Variants in PSMA1 observed in about 807,000 individuals in gnomAD.
PSMA1 encodes proteasome subunit alpha type-1.
In PSMA1, 3 loss-of-function variants were observed where a neutral mutation model predicts 38.4. The observed-to-expected ratio is 0.08, with a 90% CI of 0.04 to 0.20. The LOEUF (loss-of-function observed/expected upper bound fraction) is 0.20, where lower values mean the gene tolerates loss of function less well. PSMA1 is among the 10% of genes least tolerant of loss of function. The pLI is 1.00. For missense variants in PSMA1, 227 were observed against 325.3 expected, an observed-to-expected ratio of 0.70 and a Z score of 2.32; for synonymous variants, 101 against 107.1, an observed-to-expected ratio of 0.94 and a Z score of 0.35.
intron 2 of PSMA1, among the ~76,000 whole-genome samples, chr11:14,609,284 G>A (rs1300826774): frequency 1.3e-5 from 2 of 152,174 alleles, no homozygotes; most frequent in African/African-American, 4.8e-5. Flanking sequence ...ATAGGTGGAT[G>A]GAGATAATCC....
chr11:14,526,455 T>C (rs957654681), intron 2 of PSMA1, among the ~76,000 whole-genome samples: 6 of 152,328 alleles, frequency 3.9e-5, no homozygotes, highest in African/African-American at 1.4e-4. Context: ...CTTACTGTTT[T>C]AGGCTGGCCA....
At chr11:14,628,299 C>T (rs1207490822) in intron 1 of PSMA1, among the ~76,000 whole-genome samples, 2 of 56 alleles carry the variant, frequency 0.036, no homozygotes, top group Admixed American at 0.14. Context: ...GTATATCTCC[C>T]AACTAGTCGC....
In PSMA1 at chr11:14,564,126, T is replaced by C. The variant is rs1006470478; in HGVS notation, c.22-45085A>G. On this transcript the variant is annotated intron_variant, in intron 2 of 10. Transcript: ENST00000418988. ...CAGAACCACAACCAGCATACTGATA[T>C]TGATACAGAACATTTCTAACATCAT... 2.0e-5 allele frequency among the ~76,000 whole-genome samples: 3 copies of C among 152,330 alleles called. No homozygotes were observed. The East Asian group carries it at 5.8e-4, about 29-fold the overall frequency.
upstream of PSMA1, among the ~76,000 whole-genome samples, chr11:14,522,111 A>C (rs1229480322): frequency 6.6e-6 from 1 of 152,210 alleles, no homozygotes; most frequent in Non-Finnish European, 1.5e-5. Flanking sequence ...TGCCTCACAC[A>C]GATGTGTAAT....
intron 2 of PSMA1, among the ~76,000 whole-genome samples, chr11:14,535,657 C>T (rs932798254): frequency 6.6e-6 from 1 of 151,798 alleles, no homozygotes; most frequent in Non-Finnish European, 1.5e-5. Context: ...TTTGGTCAGG[C>T]TGGTCTCGAA....
chr11:14,553,571 T>A (rs1851911804), intron 2 of PSMA1, among the ~76,000 whole-genome samples: 1 of 152,090 alleles, frequency 6.6e-6, no homozygotes, highest in Non-Finnish European at 1.5e-5. Context: ...TCATACAATA[T>A]CCAACCTTTG....
intron 2 of PSMA1, among the ~76,000 whole-genome samples, chr11:14,573,125 A>C (rs1852166887): frequency 6.6e-6 from 1 of 152,226 alleles, no homozygotes; most frequent in African/African-American, 2.4e-5. Context: ...AAACTATTCC[A>C]ATCAACAGAA....
intron 1 of PSMA1, among the ~76,000 whole-genome samples, chr11:14,634,852 T>TA (rs1287871844): frequency 6.6e-6 from 1 of 152,202 alleles, no homozygotes; most frequent in African/African-American, 2.4e-5. Context: ...CAGAGAAACT[T>TA]ACTGCACTGT....
intron 2 of PSMA1, among the ~76,000 whole-genome samples, chr11:14,581,378 G>A (rs1434795250): frequency 6.6e-6 from 1 of 152,154 alleles, no homozygotes; most frequent in Non-Finnish European, 1.5e-5. Context: ...AAACCAAAGT[G>A]TACACCAATT....
At position 14,537,907 on chromosome 11, in the gene PSMA1, C is replaced by A. The variant is rs560906358; in HGVS notation, c.22-18866G>T. Among the ~76,000 whole-genome samples, 5 of 152,028 alleles carry A rather than the reference C, an allele frequency of 3.3e-5. No individual in the cohort carries two copies. In the East Asian group the frequency reaches 9.7e-4, roughly 29 times the overall value. On this transcript the variant is annotated intron_variant, in intron 2 of 10. Transcript: ENST00000418988. Reference sequence around the variant, plus strand: ...TATTTTTAGTAGAGATGGGGTTTTGCCATGTTGGCCAGGCTGGTCTCGAAC... The same window carrying A: ...TATTTTTAGTAGAGATGGGGTTTTGACATGTTGGCCAGGCTGGTCTCGAAC...
intron 2 of PSMA1, among the ~76,000 whole-genome samples, chr11:14,589,996 T>C (rs766195005): frequency 6.6e-6 from 1 of 152,208 alleles, no homozygotes; most frequent in Non-Finnish European, 1.5e-5. Flanking sequence ...AAACATACTA[T>C]GAAATATTAT....
chr11:14,589,351 G>A (rs201379496), intron 2 of PSMA1, among the ~76,000 whole-genome samples: 3 of 131,574 alleles, frequency 2.3e-5, no homozygotes, highest in South Asian at 2.6e-4. Context: ...ATGTGTGTGT[G>A]TATATATATA....
chr11:14,643,538 A>T (rs1054892179), exon 1 of PSMA1: 1 of 152,072 alleles, frequency 6.6e-6, no homozygotes, highest in Non-Finnish European at 1.5e-5. Flanking sequence ...CTTCTCTTTC[A>T]GTCCCGGTGG....
At chr11:14,556,657 T>C (rs1383948036) in intron 2 of PSMA1, among the ~76,000 whole-genome samples, 1 of 152,188 alleles carries the variant, frequency 6.6e-6, no homozygotes, top group East Asian at 1.9e-4. Context: ...TTTCTCTGCT[T>C]ACTCTTGAGA....
chr11:14,521,541 T>G (rs1050214538), upstream of PSMA1, among the ~76,000 whole-genome samples: 14 of 149,750 alleles, frequency 9.3e-5, no homozygotes, highest in African/African-American at 3.4e-4. Context: ...ATCCCAACAC[T>G]TTGGAAGGCA....
At chr11:14,629,011 G>T (rs1480964039) in intron 1 of PSMA1, among the ~76,000 whole-genome samples, 1 of 151,202 alleles carries the variant, frequency 6.6e-6, no homozygotes, top group Non-Finnish European at 1.5e-5. Context: ...TGTTGATGGG[G>T]TTGTTTGTTT....
At chr11:14,543,340 A>G (rs922377740) in intron 2 of PSMA1, among the ~76,000 whole-genome samples, 1 of 152,210 alleles carries the variant, frequency 6.6e-6, no homozygotes, top group Admixed American at 6.5e-5. Flanking sequence ...TCTTAAGAAA[A>G]CAGGAGTAAA....
intron 8 of PSMA1, among the ~76,000 whole-genome samples, chr11:14,508,011 T>G (rs1464411912): frequency 6.6e-6 from 1 of 152,190 alleles, no homozygotes; most frequent in Non-Finnish European, 1.5e-5. Context: ...TCTAGAAACA[T>G]TTTTTTAAAA....
chr11:14,612,437 C>A (rs1852721523), intron 1 of PSMA1, among the ~76,000 whole-genome samples: 1 of 151,862 alleles, frequency 6.6e-6, no homozygotes, highest in South Asian at 2.1e-4. Flanking sequence ...TACAATATAT[C>A]TATATAAAAT....
Sources: gnomAD v4.1 joint callset for allele counts (sites outside exome capture counted in the v4.1 genomes callset) on GRCh38, gnomAD v4.1.1 for gene constraint, MANE v1.5 for transcripts, NCBI Gene and HGNC (gene_info 2026-07-23, HGNC 2026-07-21) for gene names.